SCEL: variants seen among roughly 807,000 people sequenced by gnomAD.
SCEL encodes sciellin.
SCEL carries 113 observed loss-of-function variants against 117.6 expected under a neutral mutation model. The observed-to-expected ratio is 0.96, with a 90% confidence interval of 0.83 to 1.12. The LOEUF is 1.12. Among genes scored for constraint, SCEL ranks in the 50% most tolerant of loss-of-function variants. SCEL has a pLI of 0.00. For missense variants in SCEL, 785 were observed against 810.8 expected (o/e 0.97, Z 0.39); for synonymous variants, 270 against 256.2 (o/e 1.05, Z -0.51).
chr13:77,590,005 G>A (rs961443264), intron 10 of SCEL, among the ~76,000 whole-genome samples: 5 of 152,046 alleles, frequency 3.3e-5, no homozygotes, highest in African/African-American at 1.2e-4. Flanking sequence ...AACGGAGATT[G>A]ACTACATTAC....
chr13:77,559,924 G>T lies in SCEL; in HGVS notation c.221+61G>T, dbSNP rs370774979. The T allele has an allele frequency of 2.0e-3, 2,862 of 1,416,146 alleles. 5 individuals carry two copies. Among genetic ancestry groups the T allele is most frequent in the Non-Finnish European group, 2.6e-3 (2,576 of 1,001,646 alleles). The allele number at this position is 1,416,146 out of a possible 1,614,324, so 87.7% of individuals were successfully genotyped here. A position where few individuals can be genotyped will look rare whatever the true frequency, so the allele number is the denominator to read the frequency against. Reference sequence around the variant, plus strand: ...CACAAAGATGGTAGTTTTCAGAGAAGACTTGTTCAAGACAGCTGAATATTT... The same window carrying T: ...CACAAAGATGGTAGTTTTCAGAGAATACTTGTTCAAGACAGCTGAATATTT... On this transcript the variant is annotated intron_variant, in intron 4 of 32. Coordinates refer to ENST00000349847, the MANE Select transcript of SCEL (RefSeq NM_144777.3).
At chr13:77,606,155 C>T (rs1365171358) in intron 19 of SCEL, among the ~76,000 whole-genome samples, 2 of 152,068 alleles carry the variant, frequency 1.3e-5, no homozygotes, top group African/African-American at 2.4e-5. Flanking sequence ...TATGTAATTT[C>T]CCATGTACAT....
At chr13:77,541,591 G>A (rs1160761653) in intron 1 of SCEL, among the ~76,000 whole-genome samples, 1 of 152,114 alleles carries the variant, frequency 6.6e-6, no homozygotes, top group Admixed American at 6.5e-5. Context: ...TTTTGTAGCT[G>A]CAAAATAAAT....
chr13:77,554,732 T>TCAG (rs2084550452), intron 1 of SCEL, among the ~76,000 whole-genome samples: 1 of 152,118 alleles, frequency 6.6e-6, no homozygotes, highest in African/African-American at 2.4e-5. Flanking sequence ...TGCAGGGAGG[T>TCAG]TAAGTGGTTC....
chr13:77,591,898 G>T (rs190182466), intron 11 of SCEL, among the ~76,000 whole-genome samples: 8 of 152,178 alleles, frequency 5.3e-5, no homozygotes, highest in Non-Finnish European at 1.0e-4. Context: ...AATGTCGTCG[G>T]GGGGGAGGGT....
At chr13:77,616,000 CTCTCTG>C (rs1322627283) in intron 24 of SCEL, among the ~76,000 whole-genome samples, 1 of 87,640 alleles carries the variant, frequency 1.1e-5, no homozygotes, top group African/African-American at 6.1e-5. Flanking sequence ...AAATTTATGT[CTCTCTG>C]TGTGTGTGTG....
Position 77,569,457 on chromosome 13 carries a change from A to C in SCEL, c.479+6A>C. ...ACTCCTGTAAAGAAGAAGAGGTAGG[A>C]TGAACTCACTGTGTCTACCTCTTGC... On this transcript the variant is annotated splice_donor_region_variant and intron_variant, in intron 8 of 32. Coordinates refer to ENST00000349847, the MANE Select transcript of SCEL (RefSeq NM_144777.3). 6.2e-7 allele frequency: 1 copy of C among 1,605,130 alleles called. No homozygotes were observed. The highest frequency in any genetic ancestry group is 8.5e-7 in the Non-Finnish European group (1 of 1,171,908).
intron 28 of SCEL, among the ~76,000 whole-genome samples, chr13:77,631,613 G>A (rs560480685): frequency 2.0e-5 from 3 of 152,106 alleles, no homozygotes; most frequent in Admixed American, 1.3e-4. Flanking sequence ...GAATTTTTCT[G>A]TACATTTAAA....
At chr13:77,576,905 A>G (rs1283592116) in intron 9 of SCEL, among the ~76,000 whole-genome samples, 1 of 152,034 alleles carries the variant, frequency 6.6e-6, no homozygotes. Context: ...AGCAATTGTG[A>G]ATGGGAGTTC....
intron 27 of SCEL, among the ~76,000 whole-genome samples, chr13:77,620,257 C>G (rs1232460437): frequency 6.6e-6 from 1 of 152,140 alleles, no homozygotes; most frequent in African/African-American, 2.4e-5. Flanking sequence ...TGACTTCATT[C>G]AATTGGTTCA....
intron 27 of SCEL, among the ~76,000 whole-genome samples, chr13:77,622,470 A>G (rs1019667459): frequency 1.3e-5 from 2 of 152,236 alleles, no homozygotes; most frequent in African/African-American, 2.4e-5. Context: ...AGTAGAAAAT[A>G]AATGACATTA....
At chr13:77,580,786 ATAAAAT>A (rs1298073021) in intron 9 of SCEL, among the ~76,000 whole-genome samples, 3 of 152,234 alleles carry the variant, frequency 2.0e-5, no homozygotes, top group Non-Finnish European at 4.4e-5. Context: ...ATAATATTTG[ATAAAAT>A]TAAAGTAGTA....
intron 21 of SCEL, among the ~76,000 whole-genome samples, chr13:77,609,411 G>A (rs1024998796): frequency 6.6e-6 from 1 of 152,146 alleles, no homozygotes; most frequent in Non-Finnish European, 1.5e-5. Flanking sequence ...ACACAGTAGA[G>A]GGGAAAGAGA....
intron 12 of SCEL, among the ~76,000 whole-genome samples, chr13:77,595,162 T>C (rs1398091670): frequency 6.6e-6 from 1 of 152,228 alleles, no homozygotes; most frequent in Admixed American, 6.5e-5. Context: ...TTAGTTTAAC[T>C]TTCCTGTCCC....
intron 22 of SCEL, among the ~76,000 whole-genome samples, chr13:77,610,449 CAAAAA>C (rs11356008): frequency 8.9e-6 from 1 of 112,538 alleles, no homozygotes; most frequent in Non-Finnish European, 1.8e-5. Flanking sequence ...AAGACTCCGT[CAAAAA>C]AAAAAAAAAA....
intron 10 of SCEL, 116 bp from the exon 11 acceptor site, chr13:77,591,279 T>G: frequency 1.4e-6 from 1 of 707,498 alleles, no homozygotes; most frequent in Non-Finnish European, 2.5e-6. Context: ...TCAGGTAGTG[T>G]TATGGTTCCA....
At chr13:77,582,743 C>T (rs2086334981) in intron 9 of SCEL, among the ~76,000 whole-genome samples, 1 of 152,076 alleles carries the variant, frequency 6.6e-6, no homozygotes, top group Admixed American at 6.5e-5. Context: ...TCCAATTTAT[C>T]AAGCTTTGTT....
At chr13:77,640,468 T>C (rs1594210077) in intron 30 of SCEL, among the ~76,000 whole-genome samples, 1 of 152,182 alleles carries the variant, frequency 6.6e-6, no homozygotes, top group Admixed American at 6.5e-5. Flanking sequence ...CTTTCTCTCA[T>C]GTTAATTATT....
chr13:77,620,901 G>A (rs886230821), intron 27 of SCEL, among the ~76,000 whole-genome samples: 1 of 152,080 alleles, frequency 6.6e-6, no homozygotes, highest in Non-Finnish European at 1.5e-5. Context: ...TCCAAAAAGA[G>A]AAGAGTTCCT....
Sources: gnomAD v4.1 joint callset for allele counts (sites outside exome capture counted in the v4.1 genomes callset) on GRCh38, gnomAD v4.1.1 for gene constraint, MANE v1.5 for transcripts, NCBI Gene and HGNC (gene_info 2026-07-23, HGNC 2026-07-21) for gene names.